The following CD163L1 variants were observed in gnomAD, a reference collection of about 807,000 sequenced individuals.
CD163L1 encodes scavenger receptor cysteine-rich type 1 protein M160.
In CD163L1, 124 loss-of-function variants were observed where a neutral mutation model predicts 165.4. That is an observed-to-expected ratio of 0.75 (90% CI 0.65 to 0.87). The LOEUF is 0.87. Ranked by LOEUF, CD163L1 falls within the 40% of genes least tolerant of loss-of-function variation. CD163L1 has a pLI of 0.00. For synonymous variants in CD163L1, 585 were observed against 662.2 expected (o/e 0.88, Z 1.79); for missense variants, 1,525 against 1,799.9 (o/e 0.85, Z 2.76).
In CD163L1 at chr12:7,384,213, G is replaced by A. The variant is rs775058886; in HGVS notation, c.2051-4915C>T. On this transcript the variant is annotated intron_variant, in intron 8 of 19. Coordinates refer to ENST00000313599, the MANE Select transcript of CD163L1 (RefSeq NM_174941.6). ...AGCAGAAGAAAGAACTGCAGAACTT[G>A]AAGATAAATCTTTGAAATAACCTAG... is the stretch of plus-strand genomic sequence containing the variant. Among the ~76,000 whole-genome samples, 12 of 152,064 alleles carry A rather than the reference G, an allele frequency of 7.9e-5. No homozygotes were observed. In the South Asian group the frequency reaches 2.5e-3, roughly 32 times the overall value.
intron 4 of CD163L1, among the ~76,000 whole-genome samples, chr12:7,408,388 G>A (rs1366224359): frequency 1.3e-5 from 2 of 151,882 alleles, no homozygotes; most frequent in Non-Finnish European, 2.9e-5. Flanking sequence ...TAGTCACAGT[G>A]TATTATTATT....
At chr12:7,434,088 A>T (rs754607761) in intron 2 of CD163L1, among the ~76,000 whole-genome samples, 63 of 152,308 alleles carry the variant, frequency 4.1e-4, no homozygotes, top group African/African-American at 1.4e-3. Context: ...TTTGAAGGAG[A>T]TGTTTTATAT....
At chr12:7,411,698 C>A (rs1452365832) in intron 4 of CD163L1, among the ~76,000 whole-genome samples, 1 of 152,196 alleles carries the variant, frequency 6.6e-6, no homozygotes, top group Admixed American at 6.5e-5. Context: ...ACCAAACAAA[C>A]CACTTTTCTT....
chr12:7,364,350 T>C (rs1187966896), intron 18 of CD163L1, among the ~76,000 whole-genome samples: 4 of 152,074 alleles, frequency 2.6e-5, no homozygotes, highest in African/African-American at 7.2e-5. Context: ...TGGGGAAAAA[T>C]AGAAAACATT....
chr12:7,395,670 T>C (rs1251225333), intron 8 of CD163L1, among the ~76,000 whole-genome samples: 1 of 152,214 alleles, frequency 6.6e-6, no homozygotes, highest in Admixed American at 6.5e-5. Flanking sequence ...TGGATTTATC[T>C]TACATAAATA....
intron 3 of CD163L1, 90 bp downstream of exon 3, chr12:7,433,284 A>G (rs1948660008): frequency 1.7e-6 from 2 of 1,168,930 alleles, no homozygotes; most frequent in Non-Finnish European, 2.4e-6. Context: ...GAGGGACACT[A>G]TTAAAGTCAT....
intron 7 of CD163L1, among the ~76,000 whole-genome samples, chr12:7,396,727 G>A (rs1032386935): frequency 2.6e-5 from 4 of 152,124 alleles, no homozygotes; most frequent in African/African-American, 9.7e-5. Context: ...GCTCTTCTCT[G>A]CAGTCTGCTG....
intron 5 of CD163L1, among the ~76,000 whole-genome samples, chr12:7,406,106 T>C (rs747074775): frequency 6.6e-6 from 1 of 152,274 alleles, no homozygotes; most frequent in Non-Finnish European, 1.5e-5. Flanking sequence ...TTTATTTTAA[T>C]GAAAGGAAGT....
chr12:7,421,057 G>GTATATATATACGTATA (rs772067194), intron 4 of CD163L1, among the ~76,000 whole-genome samples: 1 of 79,398 alleles, frequency 1.3e-5, no homozygotes, highest in African/African-American at 6.9e-5. Flanking sequence ...ATGTATATAC[G>GTATATATATACGTATA]TATATATGTA....
chr12:7,431,835 T>C (rs1948634211), intron 4 of CD163L1, among the ~76,000 whole-genome samples: 2 of 152,130 alleles, frequency 1.3e-5, no homozygotes, highest in African/African-American at 4.8e-5. Flanking sequence ...GAAGATTAGA[T>C]GATGAGTAAA....
intron 6 of CD163L1, among the ~76,000 whole-genome samples, chr12:7,399,501 TTCCC>T (rs778983319): frequency 8.4e-4 from 15 of 17,962 alleles, no homozygotes; most frequent in East Asian, 1.9e-3. Flanking sequence ...CTTCCTCCCT[TTCCC>T]TCCCTCCCTC....
intron 4 of CD163L1, among the ~76,000 whole-genome samples, chr12:7,349,569 G>A (rs1946693937): frequency 6.6e-6 from 1 of 152,134 alleles, no homozygotes; most frequent in South Asian, 2.1e-4. Flanking sequence ...AGGGAAAGGT[G>A]GGAGAATGAA....
the CD163L1 span, chr12:7,328,237 A>G: frequency 4.2e-6 from 6 of 1,418,708 alleles, no homozygotes; most frequent in Non-Finnish European, 5.8e-6. Flanking sequence ...CGCACGGACA[A>G]TTGGAAGGAT....
In CD163L1 at chr12:7,379,294, T is replaced by A; in HGVS notation, c.2055A>T (p.Ala685=). 1.2e-6 allele frequency: 2 copies of A among 1,613,642 alleles called. No homozygotes were observed. The highest frequency in any genetic ancestry group is 4.5e-5 in the East Asian group (2 of 44,870). Residue 685 remains alanine (A), a synonymous_variant, in exon 9 of 20, where the codon GCA becomes GCT. Transcript: ENST00000313599. ...SEDVGVICSD[A]SDMELRLVGG... is the part of the protein sequence containing the mutation. ...CCACAAGCCTCAGCTCCATATCCGA[T>A]GCATCTGAAACCAAATACCACAATG...
intron 2 of CD163L1, among the ~76,000 whole-genome samples, chr12:7,437,815 G>A (rs1229806356): frequency 6.7e-6 from 1 of 149,818 alleles, no homozygotes; most frequent in Non-Finnish European, 1.5e-5. Context: ...TGCTTCCTCA[G>A]TCAACCATAT....
chr12:7,406,390 G>A (rs1948014531), intron 5 of CD163L1, 142 bp downstream of exon 5: 1 of 723,168 alleles, frequency 1.4e-6, no homozygotes, highest in Admixed American at 2.9e-5. Context: ...CATTGAAAGT[G>A]TCAATTCTTA....
intron 4 of CD163L1, among the ~76,000 whole-genome samples, chr12:7,411,282 G>T (rs768411098): frequency 6.6e-6 from 1 of 152,084 alleles, no homozygotes; most frequent in Non-Finnish European, 1.5e-5. Flanking sequence ...ATTTCCATTT[G>T]TTCAAAGTCT....
rs1338420576 is a variant in CD163L1, at chr12:7,368,294, G to T, written c.4073-97C>A. 61 of 630,364 alleles carry T rather than the reference G, an allele frequency of 9.7e-5. No homozygotes were observed. The East Asian group carries it at 1.6e-3, about 17-fold the overall frequency. 39.0% of individuals were successfully genotyped at this position (630,364 alleles called of 1,614,324 possible). A position where few individuals can be genotyped will look rare whatever the true frequency, so the allele number is the denominator to read the frequency against. ...AAACTGGTTCCCTAGTTGCTGAGAA[G>T]AATAATGGCTATACATTTCAACATA... On this transcript the variant is annotated intron_variant, in intron 16 of 19. Transcript: ENST00000313599. This position sits in a 1 kb window ranked among gnomAD's most constrained non-coding sequence, Gnocchi z 4.3.
intron 14 of CD163L1, 101 bp downstream of exon 14, chr12:7,373,219 A>G (rs1371070509): frequency 1.6e-5 from 15 of 960,494 alleles, no homozygotes; most frequent in Non-Finnish European, 2.3e-5. Context: ...TGCACTTTTC[A>G]GTGAGTCTGC....
Sources: allele counts gnomAD v4.1 joint callset (sites outside exome capture counted in the v4.1 genomes callset), GRCh38; gene constraint gnomAD v4.1.1; non-coding constraint Gnocchi (gnomAD v3.1); transcripts MANE v1.5; gene names NCBI Gene and HGNC (gene_info 2026-07-23, HGNC 2026-07-21).